ACCSL: variants seen among roughly 807,000 people sequenced by gnomAD.
ACCSL encodes probable inactive 1-aminocyclopropane-1-carboxylate synthase-like protein 2.
Under a neutral mutation model 61.7 loss-of-function variants are expected in ACCSL, and 55 were observed. That is an observed-to-expected ratio of 0.89 (90% CI 0.72 to 1.12). ACCSL has a LOEUF of 1.12. Ranked by LOEUF, ACCSL falls within the 50% of genes most tolerant of loss-of-function variation. The probability of loss-of-function intolerance (pLI) is 0.00; values close to 1 mark genes in which losing one functional copy is unlikely to be tolerated. For missense variants in ACCSL, 632 were observed against 698.0 expected (o/e 0.91, Z 1.07); for synonymous variants, 258 against 264.3 (o/e 0.98, Z 0.23).
the ACCSL span, among the ~76,000 whole-genome samples, chr11:43,978,796 T>G: frequency 2.1e-5 from 3 of 145,938 alleles, no homozygotes; most frequent in Non-Finnish European, 3.0e-5. Flanking sequence ...TTTTTTTTTT[T>G]TTTTTTTTTT....
the ACCSL span, among the ~76,000 whole-genome samples, chr11:43,990,255 C>T: frequency 6.6e-3 from 1,000 of 152,304 alleles, 8 homozygotes; most frequent in Non-Finnish European, 8.7e-3. Context: ...TATCTTAGTC[C>T]GTTCTGCTGC....
the ACCSL span, among the ~76,000 whole-genome samples, chr11:43,981,900 C>T: frequency 6.6e-6 from 1 of 152,380 alleles, no homozygotes. Context: ...TTCCACCTCC[C>T]TTCAAAACAT....
At chr11:44,012,064 T>C in the ACCSL span, among the ~76,000 whole-genome samples, 1 of 152,210 alleles carries the variant, frequency 6.6e-6, no homozygotes, top group East Asian at 1.9e-4. Context: ...CTTTTTTCTG[T>C]CCGTCCTGCC....
At chr11:43,947,221 G>T in the ACCSL span, 2 of 152,312 alleles carry the variant, frequency 1.3e-5, no homozygotes, top group African/African-American at 4.8e-5. Context: ...TGAACCAACA[G>T]AGGGAGAACT....
At chr11:44,037,549 T>A in the ACCSL span, among the ~76,000 whole-genome samples, 38 of 152,234 alleles carry the variant, frequency 2.5e-4, no homozygotes, top group Non-Finnish European at 1.5e-5. Context: ...AAATAAGGGT[T>A]TAGCGACCCC....
At chr11:44,052,920 G>T in intron 6 of ACCSL, 71 bp from the exon 7 acceptor site, 2 of 1,522,318 alleles carry the variant, frequency 1.3e-6, no homozygotes, top group African/African-American at 1.4e-5. Flanking sequence ...AAAGGATTGC[G>T]GGGCTTATGG....
chr11:43,990,086 C>T, the ACCSL span, among the ~76,000 whole-genome samples: 1 of 152,132 alleles, frequency 6.6e-6, no homozygotes, highest in South Asian at 2.1e-4. Context: ...GGCTTTGAGT[C>T]CCACCTCTAT....
chr11:44,007,494 GATGAAC>G, the ACCSL span, among the ~76,000 whole-genome samples: 1 of 152,180 alleles, frequency 6.6e-6, no homozygotes, highest in African/African-American at 2.4e-5. Context: ...ACTGTGCAGT[GATGAAC>G]CACCTAAGCC....
chr11:44,048,104 A>C lies in ACCSL; in HGVS notation c.68A>C (p.His23Pro). Residue 23 changes from histidine to proline, a missense_variant, in exon 1 of 14, where the codon CAC (histidine) becomes CCC (proline). Physicochemically the swap from His to Pro is moderately conservative, Grantham distance 77. Coordinates refer to ENST00000378832, the MANE Select transcript of ACCSL (RefSeq NM_001031854.2). ...GQRRGRVPRD[H>P]SIYTQLLEIT... ...AGGAGAGGCCGGGTCCCCAGAGACC[A>C]CAGCATCTATACCCAGCTGTTGGAG... 1 of 1,614,206 alleles carries C rather than the reference A, an allele frequency of 6.2e-7. No individual in the cohort carries two copies. The highest frequency in any genetic ancestry group is 8.5e-7 in the Non-Finnish European group (1 of 1,180,022).
At chr11:43,923,438 C>T in the ACCSL span, among the ~76,000 whole-genome samples, 1 of 152,156 alleles carries the variant, frequency 6.6e-6, no homozygotes, top group African/African-American at 2.4e-5. Flanking sequence ...TTATTTAAAA[C>T]TTTACTTATA....
At chr11:43,942,593 G>A in the ACCSL span, 1 of 313,600 alleles carries the variant, frequency 3.2e-6, no homozygotes, top group African/African-American at 2.3e-5. Context: ...AGCCGTGTGG[G>A]CAGCCGCGGG....
chr11:44,017,969 A>T, the ACCSL span, among the ~76,000 whole-genome samples: 3 of 152,110 alleles, frequency 2.0e-5, no homozygotes, highest in Non-Finnish European at 4.4e-5. Flanking sequence ...CATAAATCAT[A>T]AATTTGGATG....
At chr11:43,940,424 C>T in the ACCSL span, among the ~76,000 whole-genome samples, 62 of 151,078 alleles carry the variant, frequency 4.1e-4, no homozygotes, top group Non-Finnish European at 7.7e-4. Context: ...GGCGCAATCT[C>T]GGCTCACTGC....
the ACCSL span, among the ~76,000 whole-genome samples, chr11:43,966,030 C>T: frequency 6.6e-6 from 1 of 152,170 alleles, no homozygotes; most frequent in Non-Finnish European, 1.5e-5. Flanking sequence ...AAGGGTAAGT[C>T]TTCACGACCT....
rs1952687043 is a variant in ACCSL at position 44,058,646 on chromosome 11, A to T, written c.1571A>T (p.Glu524Val). Residue 524 changes from glutamate to valine, a missense_variant, in exon 13 of 14, where the codon GAG becomes GTG. Transcript: ENST00000378832. Reference sequence around the variant, plus strand: ...CGTGGCAAAACCTACATGTGTAAGGAGCCAGGCTGGTTCTGCCTCATCTTT... The same window carrying T: ...CGTGGCAAAACCTACATGTGTAAGGTGCCAGGCTGGTTCTGCCTCATCTTT... ...LSRGKTYMCK[E>V]PGWFCLIFAD... is the part of the protein sequence containing the mutation. The T allele has an allele frequency of 6.2e-7, 1 of 1,614,008 alleles. No individual in the cohort carries two copies. Among genetic ancestry groups the T allele is most frequent in the African/African-American group, 1.3e-5 (1 of 74,910 alleles).
the ACCSL span, among the ~76,000 whole-genome samples, chr11:43,968,128 G>A: frequency 2.5e-4 from 38 of 152,190 alleles, no homozygotes; most frequent in Non-Finnish European, 4.6e-4. Context: ...AGTAGAACCC[G>A]GGGATGCTGC....
the ACCSL span, among the ~76,000 whole-genome samples, chr11:43,939,382 G>A: frequency 4.6e-5 from 7 of 152,254 alleles, no homozygotes; most frequent in South Asian, 1.2e-3. Context: ...TCTATAAGGA[G>A]CTACAAAGTA....
chr11:43,924,318 A>G, the ACCSL span, among the ~76,000 whole-genome samples: 1 of 151,990 alleles, frequency 6.6e-6, no homozygotes, highest in Non-Finnish European at 1.5e-5. Context: ...GGCCTGTGGG[A>G]CCTCCCGTCC....
the ACCSL span, among the ~76,000 whole-genome samples, chr11:43,955,401 C>A: frequency 1.3e-5 from 2 of 152,144 alleles, no homozygotes; most frequent in East Asian, 3.8e-4. Context: ...CTGTTACCAC[C>A]CAGTGGGATC....
Sources: gnomAD v4.1 joint callset for allele counts (sites outside exome capture counted in the v4.1 genomes callset) on GRCh38, gnomAD v4.1.1 for gene constraint, MANE v1.5 for transcripts, NCBI Gene and HGNC (gene_info 2026-07-23, HGNC 2026-07-21) for gene names.